Variants in MKLN1 observed in about 807,000 individuals in gnomAD.
The protein encoded by MKLN1 is muskelin.
MKLN1 carries 18 observed loss-of-function variants against 99.0 expected under a neutral mutation model. The observed-to-expected ratio is 0.18, with a 90% confidence interval of 0.13 to 0.27. The LOEUF is 0.27. Among genes scored for constraint, MKLN1 ranks in the 10% least tolerant of loss-of-function variants. The pLI, the probability that MKLN1 is intolerant of heterozygous loss-of-function variation, is 1.00. For synonymous variants in MKLN1, 288 were observed against 293.2 expected (o/e 0.98, Z 0.18); for missense variants, 621 against 875.9 (o/e 0.71, Z 3.67).
At chr7:131,400,983 G>C (rs1794527507) in intron 6 of MKLN1, among the ~76,000 whole-genome samples, 1 of 152,044 alleles carries the variant, frequency 6.6e-6, no homozygotes, top group South Asian at 2.1e-4. Flanking sequence ...TGTTCTCTTT[G>C]CTTCTGATCT....
intron 1 of MKLN1, among the ~76,000 whole-genome samples, chr7:131,112,963 A>G (rs1325806307): frequency 6.6e-6 from 1 of 152,126 alleles, no homozygotes; most frequent in Middle Eastern, 3.2e-3. Flanking sequence ...TTGAAACCCA[A>G]CTCTGCCACT....
chr7:131,478,748 A>T, intron 17 of MKLN1, 71 bp downstream of exon 17: 1 of 1,518,892 alleles, frequency 6.6e-7, no homozygotes. Context: ...GGTTTCTTTT[A>T]CGTGAAACAT....
chr7:131,356,584 A>G (rs945654419), intron 1 of MKLN1, among the ~76,000 whole-genome samples: 2 of 152,142 alleles, frequency 1.3e-5, no homozygotes, highest in African/African-American at 4.8e-5. Flanking sequence ...AGTTGGCTCC[A>G]TGAGTTGTTG....
intron 3 of MKLN1, among the ~76,000 whole-genome samples, chr7:131,281,113 C>G (rs192310449): frequency 6.6e-6 from 1 of 151,964 alleles, no homozygotes; most frequent in Admixed American, 6.5e-5. Flanking sequence ...GAAACTATTG[C>G]CAAATCCAAG....
chr7:131,433,205 A>G (rs1170330024), intron 9 of MKLN1, among the ~76,000 whole-genome samples: 1 of 152,158 alleles, frequency 6.6e-6, no homozygotes, highest in Non-Finnish European at 1.5e-5. Context: ...CTTGACTTTG[A>G]TGATTTTTAA....
At chr7:131,287,142 G>C (rs116162307) in intron 3 of MKLN1, among the ~76,000 whole-genome samples, 1 of 152,130 alleles carries the variant, frequency 6.6e-6, no homozygotes, top group African/African-American at 2.4e-5. Flanking sequence ...GAATATAAAA[G>C]GCAGGCAAAA....
intron 9 of MKLN1, among the ~76,000 whole-genome samples, chr7:131,431,447 G>A (rs1482937868): frequency 2.0e-5 from 3 of 152,006 alleles, no homozygotes; most frequent in Non-Finnish European, 2.9e-5. Context: ...TGGTTTGGCC[G>A]GGCTCATTCA....
chr7:131,297,580 C>T (rs373078914), intron 3 of MKLN1, among the ~76,000 whole-genome samples: 1 of 152,024 alleles, frequency 6.6e-6, no homozygotes, highest in East Asian at 1.9e-4. Context: ...AACCACTCCC[C>T]CGAAGTCTAC....
chr7:131,135,570 G>A (rs1795637770), intron 1 of MKLN1, among the ~76,000 whole-genome samples: 1 of 152,220 alleles, frequency 6.6e-6, no homozygotes, highest in African/African-American at 2.4e-5. Context: ...CAAAGAGACT[G>A]CGAGGGAACA....
At chr7:131,176,632 T>A (rs1199786353) in intron 2 of MKLN1, among the ~76,000 whole-genome samples, 2 of 152,262 alleles carry the variant, frequency 1.3e-5, no homozygotes, top group African/African-American at 4.8e-5. Flanking sequence ...TACTCCATAG[T>A]GTTCCCCATT....
chr7:131,253,798 A>G (rs1206029779), intron 3 of MKLN1, among the ~76,000 whole-genome samples: 1 of 152,226 alleles, frequency 6.6e-6, no homozygotes, highest in South Asian at 2.1e-4. Context: ...GAGTTCTTAT[A>G]AACAACGGAG....
chr7:131,153,642 A>G (rs1396293930), intron 2 of MKLN1, among the ~76,000 whole-genome samples: 1 of 149,952 alleles, frequency 6.7e-6, no homozygotes, highest in Non-Finnish European at 1.5e-5. Context: ...TGTAGCTACA[A>G]AATGAAAGTA....
intron 13 of MKLN1, among the ~76,000 whole-genome samples, 173 bp from the exon 14 acceptor site, chr7:131,464,121 C>T (rs1410193667): frequency 2.0e-5 from 3 of 152,206 alleles, no homozygotes; most frequent in Non-Finnish European, 4.4e-5. Context: ...AACTTTAGAA[C>T]TCAGTTCTAA....
chr7:131,494,529 C>T lies in MKLN1; in HGVS notation c.*6801C>T, dbSNP rs1411741021. 3 of 152,102 alleles carry T rather than the reference C, an allele frequency of 2.0e-5. No homozygotes were observed. The highest frequency in any genetic ancestry group is 7.2e-5 in the African/African-American group (3 of 41,392). 9.4% of individuals were successfully genotyped at this position (152,102 alleles called of 1,614,324 possible). A position where few individuals can be genotyped will look rare whatever the true frequency, so the allele number is the denominator to read the frequency against. ...GTCCAAAAGGTTACTTAGGAGTAGT[C>T]TTCCGTGGGGGAAGATAAATTTATT... On this transcript the variant is annotated 3_prime_UTR_variant, in exon 18 of 18. Coordinates refer to ENST00000352689, the MANE Select transcript of MKLN1 (RefSeq NM_013255.5).
intron 8 of MKLN1, among the ~76,000 whole-genome samples, chr7:131,421,641 T>G (rs1795195450): frequency 6.6e-6 from 1 of 152,218 alleles, no homozygotes; most frequent in Admixed American, 6.5e-5. Flanking sequence ...GCATTTGATA[T>G]GCCATATATT....
intron 10 of MKLN1, among the ~76,000 whole-genome samples, chr7:131,441,895 A>T (rs1018125137): frequency 1.3e-5 from 2 of 152,248 alleles, no homozygotes; most frequent in Admixed American, 6.5e-5. Flanking sequence ...TTTTCAGCAT[A>T]GTTCCCAGAT....
chr7:131,142,035 G>A (rs544347298), intron 1 of MKLN1, among the ~76,000 whole-genome samples: 63 of 152,254 alleles, frequency 4.1e-4, no homozygotes, highest in African/African-American at 1.2e-3. Flanking sequence ...CCATCACTTT[G>A]GGAGGCCAGG....
intron 2 of MKLN1, among the ~76,000 whole-genome samples, chr7:131,147,627 A>G (rs942303722): frequency 3.9e-5 from 6 of 152,222 alleles, no homozygotes; most frequent in African/African-American, 1.4e-4. Flanking sequence ...TTTTATAAAT[A>G]AGAAAACCAA....
chr7:131,241,084 G>T (rs1406256281), intron 3 of MKLN1, among the ~76,000 whole-genome samples: 1 of 152,122 alleles, frequency 6.6e-6, no homozygotes, highest in African/African-American at 2.4e-5. Context: ...CCCTTGGTGA[G>T]CAAGTGTCAT....
Sources: gnomAD v4.1 joint callset for allele counts (sites outside exome capture counted in the v4.1 genomes callset) on GRCh38, gnomAD v4.1.1 for gene constraint, MANE v1.5 for transcripts, NCBI Gene and HGNC (gene_info 2026-07-23, HGNC 2026-07-21) for gene names.